Variants in CUBN observed in about 807,000 individuals in gnomAD.
CUBN encodes cubilin, also known as 460 kDa receptor.
In CUBN, 282 loss-of-function variants were observed where a neutral mutation model predicts 405.3. That is an observed-to-expected ratio of 0.70 (90% CI 0.63 to 0.77). The LOEUF is 0.77. Among genes scored for constraint, CUBN ranks in the 30% least tolerant of loss-of-function variants. The pLI, the probability that CUBN is intolerant of heterozygous loss-of-function variation, is 0.00. For synonymous variants in CUBN, 1,684 were observed against 1,617.0 expected, an observed-to-expected ratio of 1.04 and a Z score of -0.99; for missense variants, 4,514 against 4,475.2, an observed-to-expected ratio of 1.01 and a Z score of -0.25.
intron 31 of CUBN, among the ~76,000 whole-genome samples, chr10:16,976,867 G>A (rs892017578): frequency 1.3e-5 from 2 of 152,102 alleles, no homozygotes; most frequent in Non-Finnish European, 2.9e-5. Context: ...CTGCTGAGGT[G>A]TTAATTTTAG....
intron 17 of CUBN, among the ~76,000 whole-genome samples, chr10:17,074,850 C>G (rs1294678461): frequency 2.0e-5 from 3 of 151,928 alleles, no homozygotes; most frequent in Admixed American, 2.0e-4. Flanking sequence ...TATAATGTGT[C>G]TAGTGGGGTT....
intron 4 of CUBN, 134 bp downstream of exon 4, chr10:17,126,627 G>A: frequency 1.1e-6 from 1 of 938,282 alleles, no homozygotes; most frequent in South Asian, 1.4e-5. Flanking sequence ...GCTGGGATGA[G>A]AATTAAATTA....
intron 14 of CUBN, among the ~76,000 whole-genome samples, chr10:17,098,567 C>T (rs1474815007): frequency 2.0e-5 from 3 of 152,094 alleles, no homozygotes; most frequent in African/African-American, 4.8e-5. Context: ...ATTGAAGGTC[C>T]TAGCCAGGGC....
intron 34 of CUBN, 132 bp from the exon 35 acceptor site, chr10:16,948,738 T>G: frequency 9.3e-7 from 1 of 1,075,902 alleles, no homozygotes; most frequent in South Asian, 1.4e-5. Flanking sequence ...GGAGAACCAC[T>G]TCATTCAGGG....
chr10:17,004,514 T>C (rs878902650), intron 28 of CUBN, among the ~76,000 whole-genome samples: 2 of 152,210 alleles, frequency 1.3e-5, no homozygotes, highest in Admixed American at 6.5e-5. Context: ...CCAAACATGG[T>C]CTTTATCTGG....
At chr10:16,831,581 C>T (rs1838996496) in intron 64 of CUBN, among the ~76,000 whole-genome samples, 164 bp from the exon 65 acceptor site, 1 of 152,204 alleles carries the variant, frequency 6.6e-6, no homozygotes, top group Non-Finnish European at 1.5e-5. Flanking sequence ...GTCACCTTCA[C>T]TTGCAAAGGG....
At chr10:17,089,056 T>A (rs1331787139) in intron 14 of CUBN, among the ~76,000 whole-genome samples, 1 of 152,228 alleles carries the variant, frequency 6.6e-6, no homozygotes, top group Admixed American at 6.5e-5. Flanking sequence ...TGAGAAATGC[T>A]ACTGTAAATC....
At position 17,068,087 on chromosome 10, in the gene CUBN, G is replaced by A. The variant is rs370508771; in HGVS notation, c.2985C>T (p.Thr995=). The change falls in exon 21 of 67, where the codon ACC becomes ACT. Residue 995 remains threonine, a synonymous_variant. Transcript: ENST00000377833. ...ACCTTCCAAGGGATGTCTCAGAGTC[G>A]GTGTCATAAACTTCCAAGTAGTCGT... ...CTNDYLEVYD[T]DSETSLGRYC... 2.1e-5 allele frequency: 34 copies of A among 1,612,282 alleles called. No individual in the cohort carries two copies. In the East Asian group the frequency reaches 3.3e-4, roughly 16 times the overall value.
At chr10:16,953,249 A>G (rs1055134273) in intron 32 of CUBN, among the ~76,000 whole-genome samples, 3 of 152,210 alleles carry the variant, frequency 2.0e-5, no homozygotes, top group Admixed American at 6.5e-5. Flanking sequence ...CTATGAAGCA[A>G]CAAACAAGTG....
At chr10:16,892,152 A>C (rs1841046686) in intron 54 of CUBN, among the ~76,000 whole-genome samples, 1 of 152,220 alleles carries the variant, frequency 6.6e-6, no homozygotes, top group Non-Finnish European at 1.5e-5. Flanking sequence ...TGGTTTAATA[A>C]TTCTCAGCTC....
chr10:16,983,337 G>C (rs1202345198), intron 30 of CUBN, among the ~76,000 whole-genome samples: 1 of 152,058 alleles, frequency 6.6e-6, no homozygotes, highest in African/African-American at 2.4e-5. Flanking sequence ...CTCTTATATA[G>C]ATACCTTGGT....
chr10:17,029,518 T>TG, intron 27 of CUBN, among the ~76,000 whole-genome samples: 1 of 152,388 alleles, frequency 6.6e-6, no homozygotes, highest in East Asian at 1.9e-4. Flanking sequence ...TCATGCTTAG[T>TG]ACGGTGCTAG....
intron 10 of CUBN, among the ~76,000 whole-genome samples, chr10:17,107,419 G>T (rs1836659647): frequency 6.6e-6 from 1 of 151,150 alleles, no homozygotes; most frequent in Admixed American, 6.6e-5. Flanking sequence ...AAACCCTGCT[G>T]AATAATTTAA....
intron 34 of CUBN, among the ~76,000 whole-genome samples, chr10:16,949,572 G>A (rs1384020526): frequency 7.9e-5 from 12 of 151,428 alleles, no homozygotes. Flanking sequence ...GATTTTTAAT[G>A]GAATTAATTA....
At chr10:17,067,730 C>T (rs1237560132) in intron 21 of CUBN, among the ~76,000 whole-genome samples, 5 of 152,044 alleles carry the variant, frequency 3.3e-5, no homozygotes, top group African/African-American at 1.2e-4. Flanking sequence ...GATATGCAAA[C>T]GAATCTACAG....
Position 16,899,149 on chromosome 10 carries a change from T to G in CUBN, c.8445A>C (p.Thr2815=). ...TCTGAGGCCAGTGAGGGGATCTGATTGTACCATTATCAGAATGAAATATTC... is the reference window on the plus strand; with the variant it reads ...TCTGAGGCCAGTGAGGGGATCTGATGGTACCATTATCAGAATGAAATATTC... The part of the protein sequence containing the change: ...CGGIFHSDNG[T]IRSPHWPQNF... Residue 2815 remains threonine, a synonymous_variant, in exon 54 of 67, where the codon ACA becomes ACC. Coordinates refer to ENST00000377833, the MANE Select transcript of CUBN (RefSeq NM_001081.4). 6.2e-7 allele frequency: 1 copy of G among 1,613,996 alleles called. No homozygotes were observed. The highest frequency in any genetic ancestry group is 8.5e-7 in the Non-Finnish European group (1 of 1,179,842).
chr10:16,848,496 T>C (rs982431181), intron 60 of CUBN, among the ~76,000 whole-genome samples: 1 of 152,092 alleles, frequency 6.6e-6, no homozygotes, highest in African/African-American at 2.4e-5. Flanking sequence ...GGTACTATTA[T>C]GTGATTTAAA....
chr10:16,905,333 T>C (rs1312289688), intron 50 of CUBN, among the ~76,000 whole-genome samples: 1 of 152,220 alleles, frequency 6.6e-6, no homozygotes, highest in African/African-American at 2.4e-5. Flanking sequence ...ATACAGAGTT[T>C]TAAAAATTCT....
At chr10:16,905,892 C>T (rs780808) in intron 50 of CUBN, among the ~76,000 whole-genome samples, 67,361 of 151,916 alleles carry the variant, frequency 0.44, 16,874 homozygotes, top group Non-Finnish European at 0.57. Context: ...GAGGGAGGAT[C>T]ACTTGAGGCC....
Sources: allele counts gnomAD v4.1 joint callset (sites outside exome capture counted in the v4.1 genomes callset), GRCh38; gene constraint gnomAD v4.1.1; transcripts MANE v1.5; gene names NCBI Gene and HGNC (gene_info 2026-07-23, HGNC 2026-07-21).